Variants in DNAJC13 observed in about 807,000 individuals in gnomAD.
The protein encoded by DNAJC13 is DnaJ heat shock protein family (Hsp40) member C13, also known as dnaJ homolog subfamily C member 13.
DNAJC13 carries 75 observed loss-of-function variants against 290.5 expected under a neutral mutation model. The observed-to-expected ratio is 0.26, with a 90% confidence interval of 0.21 to 0.31. The LOEUF is 0.31. Ranked by LOEUF, DNAJC13 falls within the 10% of genes least tolerant of loss-of-function variation. DNAJC13 has a pLI of 1.00. For missense variants in DNAJC13, 2,260 were observed against 2,674.5 expected (o/e 0.85, Z 3.42); for synonymous variants, 862 against 892.0 (o/e 0.97, Z 0.60).
intron 2 of DNAJC13, among the ~76,000 whole-genome samples, chr3:132,445,582 A>G (rs956769881): frequency 3.9e-5 from 6 of 151,978 alleles, no homozygotes; most frequent in Non-Finnish European, 7.4e-5. Context: ...GTGCTTTTGG[A>G]GGATGTAATT....
At chr3:132,507,412 C>G (rs1224209369) in intron 43 of DNAJC13, 59 bp downstream of exon 43, 2 of 976,336 alleles carry the variant, frequency 2.0e-6, no homozygotes, top group Non-Finnish European at 3.3e-6. Flanking sequence ...CTGAAAGTTA[C>G]TAGTTTATTC....
chr3:132,493,096 T>C (rs920531633), intron 33 of DNAJC13, among the ~76,000 whole-genome samples: 2 of 152,082 alleles, frequency 1.3e-5, no homozygotes, highest in African/African-American at 4.8e-5. Context: ...AGCAGCTATC[T>C]GGTGGTGTTT....
At chr3:132,428,253 G>A (rs776256959) in intron 1 of DNAJC13, among the ~76,000 whole-genome samples, 2 of 152,158 alleles carry the variant, frequency 1.3e-5, no homozygotes, top group African/African-American at 2.4e-5. Flanking sequence ...AGCGAGTTAC[G>A]TGCGTGTCTA....
At chr3:132,472,517 A>G in intron 20 of DNAJC13, 1 of 971,244 alleles carries the variant, frequency 1.0e-6, no homozygotes, top group Middle Eastern at 5.3e-4. Flanking sequence ...TTCTCTTTTT[A>G]TTTTCTTTAA....
chr3:132,456,123 T>G, intron 9 of DNAJC13, 112 bp from the exon 10 acceptor site: 4 of 888,880 alleles, frequency 4.5e-6, no homozygotes, highest in Non-Finnish European at 6.9e-6. Flanking sequence ...CCATTGTAAC[T>G]GTAGTGTGTC....
Position 132,463,782 on chromosome 3 carries a change from T to C in DNAJC13, c.1857T>C (p.Phe619=). ...ALPRHLHTAM[F]TISSDQRMLT... ...CTCGACACTTGCATACTGCGATGTT[T>C]ACAATAAGCTCAGATCAAAGGATGC... Residue 619 remains phenylalanine (F), a synonymous_variant, in exon 17 of 56, where the codon TTT becomes TTC. Transcript: ENST00000260818. 6.2e-7 allele frequency: 1 copy of C among 1,613,388 alleles called. No individual in the cohort carries two copies. The highest frequency in any genetic ancestry group is 8.5e-7 in the Non-Finnish European group (1 of 1,179,416).
intron 30 of DNAJC13, 114 bp downstream of exon 30, chr3:132,488,566 G>C: frequency 9.2e-7 from 1 of 1,091,430 alleles, no homozygotes; most frequent in South Asian, 2.0e-5. Context: ...TAATTGTAAA[G>C]GCTATTTAAG....
chr3:132,489,106 A>C, intron 31 of DNAJC13, 85 bp downstream of exon 31: 1 of 1,076,908 alleles, frequency 9.3e-7, no homozygotes, highest in Non-Finnish European at 1.4e-6. Flanking sequence ...TATTATGTTT[A>C]CTAGATTATA....
chr3:132,538,322 C>A lies in DNAJC13; in HGVS notation c.*40C>A. The A allele has an allele frequency of 6.5e-7, 1 of 1,528,298 alleles. No homozygotes were observed. Among genetic ancestry groups the A allele is most frequent in the Non-Finnish European group, 9.0e-7 (1 of 1,107,812 alleles). 94.7% of individuals were successfully genotyped at this position (1,528,298 alleles called of 1,614,324 possible). A position where few individuals can be genotyped will look rare whatever the true frequency, so the allele number is the denominator to read the frequency against. Reference sequence around the variant, plus strand: ...ACAATAAACGCTGAAAGGCCAGTGCCAAGTCCACATTCCTCCAGCTGATAC... The same window carrying A: ...ACAATAAACGCTGAAAGGCCAGTGCAAAGTCCACATTCCTCCAGCTGATAC... On this transcript the variant is annotated 3_prime_UTR_variant, in exon 56 of 56. Coordinates refer to ENST00000260818, the MANE Select transcript of DNAJC13 (RefSeq NM_015268.4).
At chr3:132,473,611 T>G (rs1934360778) in intron 21 of DNAJC13, among the ~76,000 whole-genome samples, 1 of 152,050 alleles carries the variant, frequency 6.6e-6, no homozygotes, top group African/African-American at 2.4e-5. Flanking sequence ...GGACCTTCCC[T>G]CCTATCAAAT....
At chr3:132,487,559 A>T (rs1464907338) in intron 29 of DNAJC13, among the ~76,000 whole-genome samples, 5 of 110,500 alleles carry the variant, frequency 4.5e-5, no homozygotes, top group African/African-American at 5.3e-5. Flanking sequence ...CCTGGCTGTA[A>T]TTTTTTTTTT....
chr3:132,537,206 G>A, intron 55 of DNAJC13: 1 of 456,278 alleles, frequency 2.2e-6, no homozygotes, highest in Non-Finnish European at 4.4e-6. Context: ...CACCTCAGGA[G>A]CGGGCTTTAG....
intron 36 of DNAJC13, 146 bp downstream of exon 36, chr3:132,496,809 G>A (rs1415568958): frequency 2.5e-6 from 2 of 811,018 alleles, no homozygotes; most frequent in Non-Finnish European, 3.4e-6. Context: ...TTTAAATAAA[G>A]GAAAATGTAG....
chr3:132,523,809 G>A (rs1187264384), intron 51 of DNAJC13, 96 bp downstream of exon 51: 3 of 1,234,358 alleles, frequency 2.4e-6, no homozygotes, highest in Middle Eastern at 2.6e-4. Flanking sequence ...CATGAATTAG[G>A]AATTGGCCAG....
At chr3:132,479,167 A>G in intron 24 of DNAJC13, 60 bp from the exon 25 acceptor site, 1 of 1,089,404 alleles carries the variant, frequency 9.2e-7, no homozygotes, top group Non-Finnish European at 1.4e-6. Context: ...GTCTAGTAAT[A>G]GTAATACCTT....
intron 48 of DNAJC13, among the ~76,000 whole-genome samples, chr3:132,519,519 T>A (rs1936019876): frequency 6.6e-6 from 1 of 152,192 alleles, no homozygotes; most frequent in African/African-American, 2.4e-5. Flanking sequence ...ATAGGTATGA[T>A]TTTCAAGTAT....
chr3:132,477,122 A>C (rs1020064399), intron 22 of DNAJC13, among the ~76,000 whole-genome samples: 1 of 152,280 alleles, frequency 6.6e-6, no homozygotes, highest in African/African-American at 2.4e-5. Flanking sequence ...CTTTATATAG[A>C]AAATGAAATG....
intron 20 of DNAJC13, among the ~76,000 whole-genome samples, chr3:132,471,772 A>G (rs1192684550): frequency 2.2e-5 from 3 of 137,666 alleles, no homozygotes; most frequent in Non-Finnish European, 3.2e-5. Context: ...CTGGGCAGCC[A>G]GGCAGAGGGG....
intron 28 of DNAJC13, 145 bp from the exon 29 acceptor site, chr3:132,484,443 A>G (rs1043339011): frequency 1.5e-6 from 1 of 685,812 alleles, no homozygotes; most frequent in African/African-American, 1.8e-5. Context: ...AAAATACCTA[A>G]TCATGTTCCC....
Sources: allele counts gnomAD v4.1 joint callset (sites outside exome capture counted in the v4.1 genomes callset), GRCh38; gene constraint gnomAD v4.1.1; transcripts MANE v1.5; gene names NCBI Gene and HGNC (gene_info 2026-07-23, HGNC 2026-07-21).